The following RNF150 variants were observed in gnomAD, a reference collection of about 807,000 sequenced individuals.
RNF150 encodes the protein ring finger protein 150.
A neutral mutation model predicts 39.3 loss-of-function variants in RNF150; 24 were observed. The ratio of observed to expected loss-of-function variants is 0.61; its 90% CI spans 0.44 to 0.86. RNF150 has a LOEUF of 0.86. Among genes scored for constraint, RNF150 ranks in the 40% least tolerant of loss-of-function variants. The pLI, the probability that RNF150 is intolerant of heterozygous loss-of-function variation, is 0.00. For synonymous variants in RNF150, 255 were observed against 227.3 expected, an observed-to-expected ratio of 1.12 and a Z score of -1.10; for missense variants, 502 against 587.8, an observed-to-expected ratio of 0.85 and a Z score of 1.51.
intron 5 of RNF150, among the ~76,000 whole-genome samples, chr4:140,923,913 T>C (rs951805142): frequency 6.7e-4 from 102 of 152,004 alleles, no homozygotes; most frequent in South Asian, 4.2e-4. Flanking sequence ...TAGGTGGGAA[T>C]TGAACAATGA....
intron 1 of RNF150, among the ~76,000 whole-genome samples, chr4:141,026,587 C>A (rs1735705676): frequency 6.6e-6 from 1 of 152,170 alleles, no homozygotes; most frequent in Non-Finnish European, 1.5e-5. Context: ...GATGAACAAA[C>A]TTAAACAAGC....
At chr4:141,176,795 CA>C (rs1727821479) in intron 1 of RNF150, among the ~76,000 whole-genome samples, 1 of 151,976 alleles carries the variant, frequency 6.6e-6, no homozygotes, top group African/African-American at 2.4e-5. Context: ...ATTTAAAATA[CA>C]AAAAGTTAAT....
chr4:140,924,108 A>C (rs1247325968), intron 5 of RNF150, among the ~76,000 whole-genome samples: 1 of 152,098 alleles, frequency 6.6e-6, no homozygotes, highest in Non-Finnish European at 1.5e-5. Context: ...GTATCCTAAA[A>C]CTTAAAGTAT....
intron 1 of RNF150, among the ~76,000 whole-genome samples, chr4:141,107,227 AGT>A (rs1343990228): frequency 6.6e-6 from 1 of 152,234 alleles, no homozygotes; most frequent in Admixed American, 6.5e-5. Context: ...GATTAAAATA[AGT>A]GTGAATTCTA....
rs182229661 is a variant in RNF150, at chr4:140,939,154, A to G, written c.890+8500T>C. ...AATCCCTTTGCAAGTTAGGGTATCT[A>G]TTGCCACAATTTATACAAACAAACT... On this transcript the variant is annotated intron_variant, in intron 4 of 6. Coordinates refer to ENST00000515673, the MANE Select transcript of RNF150 (RefSeq NM_020724.2). 2.1e-3 allele frequency among the ~76,000 whole-genome samples: 316 copies of G among 152,298 alleles called. 3 individuals are homozygous for G. Among genetic ancestry groups the G allele is most frequent in the African/African-American group, 7.1e-3 (296 of 41,562 alleles).
chr4:141,001,171 G>A (rs191405380), intron 1 of RNF150, among the ~76,000 whole-genome samples: 60 of 152,204 alleles, frequency 3.9e-4, no homozygotes, highest in East Asian at 2.5e-3. Flanking sequence ...TATGCCTATC[G>A]TTGTAAAAAT....
chr4:141,061,002 A>G (rs556886076), intron 1 of RNF150, among the ~76,000 whole-genome samples: 56 of 152,236 alleles, frequency 3.7e-4, no homozygotes, highest in African/African-American at 1.3e-3. Context: ...GTCGGGGGCT[A>G]GGGAAGGGAC....
In RNF150 at chr4:140,865,345, A is replaced by G. The variant is rs1728658822; in HGVS notation, c.*2916T>C. 6.6e-6 allele frequency: 1 copy of G among 152,464 alleles called. No individual in the cohort carries two copies. The highest frequency in any genetic ancestry group is 6.5e-5 in the Admixed American group (1 of 15,272). The allele number at this position is 152,464 out of a possible 1,614,324, so 9.4% of individuals were successfully genotyped here. The stretch of plus-strand genomic sequence containing the variant: ...CGTTTCTGTTGGACAGTGCTAGTCT[A>G]GACTCTTGCTATAGAAAAATGCACA... On this transcript the variant is annotated 3_prime_UTR_variant, in exon 7 of 7. Transcript: ENST00000515673.
At chr4:141,050,649 C>T (rs1023318609) in intron 1 of RNF150, among the ~76,000 whole-genome samples, 1 of 152,228 alleles carries the variant, frequency 6.6e-6, no homozygotes. Context: ...TCTCCTTTGA[C>T]TCCATGTCTT....
At chr4:141,138,920 A>G (rs1727070766) in intron 1 of RNF150, among the ~76,000 whole-genome samples, 1 of 152,194 alleles carries the variant, frequency 6.6e-6, no homozygotes, top group Non-Finnish European at 1.5e-5. Flanking sequence ...AGGAAAGTCA[A>G]TTTAGGCTGG....
intron 6 of RNF150, among the ~76,000 whole-genome samples, chr4:140,881,796 T>C (rs546617597): frequency 1.9e-4 from 29 of 152,082 alleles, no homozygotes; most frequent in Admixed American, 5.2e-4. Flanking sequence ...TGGGAGGATA[T>C]CATGAGCCCA....
chr4:141,053,126 A>G (rs548759901), intron 1 of RNF150, among the ~76,000 whole-genome samples: 3 of 152,302 alleles, frequency 2.0e-5, no homozygotes, highest in African/African-American at 7.2e-5. Context: ...AAAAGTTACC[A>G]CTTTCCCGAT....
At chr4:140,964,134 G>A (rs1189704017) in intron 2 of RNF150, among the ~76,000 whole-genome samples, 1 of 152,038 alleles carries the variant, frequency 6.6e-6, no homozygotes, top group East Asian at 1.9e-4. Flanking sequence ...AGTTATCCCT[G>A]ACTGTAAGCA....
At chr4:140,920,878 TC>T (rs1578967391) in intron 5 of RNF150, among the ~76,000 whole-genome samples, 1 of 151,740 alleles carries the variant, frequency 6.6e-6, no homozygotes. Context: ...TGAGTTCATG[TC>T]CTTTATAGGG....
intron 1 of RNF150, among the ~76,000 whole-genome samples, chr4:141,152,942 AC>A (rs1335886359): frequency 2.0e-5 from 3 of 152,126 alleles, no homozygotes; most frequent in African/African-American, 7.2e-5. Flanking sequence ...TCAACCCATT[AC>A]CTAGGTATTA....
At chr4:140,939,995 T>C (rs1044729756) in intron 4 of RNF150, among the ~76,000 whole-genome samples, 4 of 152,318 alleles carry the variant, frequency 2.6e-5, no homozygotes, top group African/African-American at 9.6e-5. Context: ...CTGGTCCCTC[T>C]GACTCCAGGC....
chr4:141,159,549 T>G (rs1727476212), intron 1 of RNF150, among the ~76,000 whole-genome samples: 1 of 151,964 alleles, frequency 6.6e-6, no homozygotes, highest in South Asian at 2.1e-4. Context: ...TTGTTTTTTG[T>G]TTTTTGTTTT....
At chr4:140,888,117 G>T (rs529728194) in intron 6 of RNF150, among the ~76,000 whole-genome samples, 17 of 152,176 alleles carry the variant, frequency 1.1e-4, no homozygotes, top group South Asian at 2.1e-4. Context: ...AAGAATCTCT[G>T]GTTGCTCATC....
At chr4:140,890,376 T>C (rs1191168347) in intron 6 of RNF150, among the ~76,000 whole-genome samples, 2 of 152,238 alleles carry the variant, frequency 1.3e-5, no homozygotes, top group Non-Finnish European at 2.9e-5. Context: ...CTTTAGGTTA[T>C]TTACAATATT....
Sources: allele counts gnomAD v4.1 joint callset (sites outside exome capture counted in the v4.1 genomes callset), GRCh38; gene constraint gnomAD v4.1.1; transcripts MANE v1.5; gene names NCBI Gene and HGNC (gene_info 2026-07-23, HGNC 2026-07-21).